Variants in SCML2 observed in about 807,000 individuals in gnomAD.
SCML2 encodes sex comb on midleg-like protein 2.
Under a neutral mutation model 48.4 loss-of-function variants are expected in SCML2, and 6 were observed. The observed-to-expected ratio is 0.12, with a 90% CI of 0.07 to 0.24. SCML2 has a LOEUF of 0.24. Among genes scored for constraint, SCML2 ranks in the 10% least tolerant of loss-of-function variants. The pLI is 1.00. For missense variants in SCML2, 377 were observed against 528.2 expected (o/e 0.71, Z 2.81); for synonymous variants, 181 against 189.5 (o/e 0.95, Z 0.37).
At chrX:18,255,113 GA>G (rs200019173) in intron 11 of SCML2, among the ~76,000 whole-genome samples, 1 of 108,464 alleles carries the variant, frequency 9.2e-6, no homozygotes, top group African/African-American at 3.3e-5. Flanking sequence ...CCTGAAGAAG[GA>G]AAAAAAAAGG....
At chrX:18,266,340 T>A (rs1223080287) in intron 7 of SCML2, among the ~76,000 whole-genome samples, 1 of 111,726 alleles carries the variant, frequency 9.0e-6, no homozygotes, top group African/African-American at 3.2e-5. Context: ...TGTCCCTATA[T>A]GTATGTCTAC....
chrX:18,265,903 C>A, intron 7 of SCML2, 101 bp from the exon 8 acceptor site: 1 of 558,625 alleles, frequency 1.8e-6, no homozygotes, highest in Non-Finnish European at 2.7e-6. Flanking sequence ...AAAACCATTT[C>A]CAAAGGTTAT....
intron 2 of SCML2, among the ~76,000 whole-genome samples, chrX:18,332,920 A>G (rs1205636046): frequency 1.8e-5 from 2 of 110,664 alleles, no homozygotes; most frequent in Non-Finnish European, 3.8e-5. Context: ...TTGGGGTTAC[A>G]GTAAGCTATG....
At chrX:18,253,950 C>T (rs781410858) in intron 11 of SCML2, among the ~76,000 whole-genome samples, 1 of 111,518 alleles carries the variant, frequency 9.0e-6, no homozygotes, top group East Asian at 2.8e-4. Context: ...CAAAAATAGG[C>T]AAAAGTAATA....
intron 2 of SCML2, among the ~76,000 whole-genome samples, chrX:18,332,061 A>G (rs1490601545): frequency 8.9e-6 from 1 of 111,929 alleles, no homozygotes; most frequent in Non-Finnish European, 1.9e-5. Context: ...GTGGATGGCT[A>G]TTGCCTAGAT....
chrX:18,316,993 T>C (rs1374660055), intron 6 of SCML2, among the ~76,000 whole-genome samples: 1 of 112,211 alleles, frequency 8.9e-6, no homozygotes, highest in Non-Finnish European at 1.9e-5. Context: ...GACAAAAAGG[T>C]TGGGGACTGC....
chrX:18,354,598 T>C lies in SCML2; in HGVS notation c.-31A>G. On this transcript the variant is annotated 5_prime_UTR_variant, in exon 1 of 15. Transcript: ENST00000251900. ...GCCCGGAATCACCACGTACCTCCAG[T>C]CTCGTCGGTGAAAACAACGAAATTC... The C allele has an allele frequency of 3.5e-6, 1 of 284,770 alleles. No homozygotes were observed. The highest frequency in any genetic ancestry group is 6.2e-6 in the Non-Finnish European group (1 of 161,943). 23.5% of individuals were successfully genotyped at this position (284,770 alleles called of 1,213,427 possible). A position where few individuals can be genotyped will look rare whatever the true frequency, so the allele number is the denominator to read the frequency against.
intron 7 of SCML2, among the ~76,000 whole-genome samples, chrX:18,302,758 A>G (rs1455897321): frequency 8.9e-6 from 1 of 111,767 alleles, no homozygotes; most frequent in Non-Finnish European, 1.9e-5. Context: ...AGGGAACATG[A>G]TGACTCTCAA....
At position 18,246,569 on chromosome X, in the gene SCML2, G is replaced by T. The variant is rs1250796117; in HGVS notation, c.1822+8C>A. 1 of 1,186,227 alleles carries T rather than the reference G, an allele frequency of 8.4e-7. No homozygotes were observed. Among genetic ancestry groups the T allele is most frequent in the African/African-American group, 1.8e-5 (1 of 56,883 alleles). On this transcript the variant is annotated splice_region_variant and intron_variant, in intron 13 of 14. Transcript: ENST00000251900. ...AAACACATTGAGAGTCACTATTTTT[G>T]AACATACCTTCACTTTTCCTCTGCA... is the stretch of plus-strand genomic sequence containing the variant.
rs775397846 is a variant in SCML2, at chrX:18,311,999, C to A, written c.487-6784G>T. ...TAGAGACAGGGTTTCACCCTGTTGG[C>A]CAGGCTGGTCTTGAACTCCTGACCT... On this transcript the variant is annotated intron_variant, in intron 6 of 14. Transcript: ENST00000251900. Among the ~76,000 whole-genome samples the A allele has an allele frequency of 1.1e-4, 12 of 111,767 alleles. No individual in the cohort carries two copies. In the South Asian group the frequency reaches 4.5e-3, roughly 42 times the overall value.
intron 7 of SCML2, among the ~76,000 whole-genome samples, chrX:18,278,690 C>T (rs1927727757): frequency 6.2e-5 from 7 of 112,578 alleles, no homozygotes; most frequent in Admixed American, 5.6e-4. Flanking sequence ...AGCAGGTGCA[C>T]GGCACAGCCC....
chrX:18,267,343 C>T (rs1363063685), intron 7 of SCML2, among the ~76,000 whole-genome samples: 1 of 111,367 alleles, frequency 9.0e-6, no homozygotes, highest in Non-Finnish European at 1.9e-5. Flanking sequence ...ACTCTCTACT[C>T]AACCTGCACC....
At chrX:18,281,615 G>A (rs909645173) in intron 7 of SCML2, among the ~76,000 whole-genome samples, 3 of 108,097 alleles carry the variant, frequency 2.8e-5, no homozygotes, top group Non-Finnish European at 3.8e-5. Flanking sequence ...GGGAGGCTGA[G>A]GCATAAGAAT....
intron 6 of SCML2, among the ~76,000 whole-genome samples, chrX:18,316,154 C>T (rs1240590762): frequency 8.0e-5 from 9 of 112,230 alleles, no homozygotes; most frequent in Non-Finnish European, 1.7e-4. Context: ...TTTGGGAGGC[C>T]AAGGCAGGCA....
rs187884797 is a variant in SCML2 at position 18,290,433 on chromosome X, T to C, written c.730+14539A>G. ...ATACCCTTGGGATCCTGCAACCTTA[T>C]ACTCGGCATCTGGAAGTTTGCTGCT... On this transcript the variant is annotated intron_variant, in intron 7 of 14. Transcript: ENST00000251900. Among the ~76,000 whole-genome samples the C allele has an allele frequency of 2.4e-3, 263 of 111,637 alleles. 2 individuals are homozygous for C. Among genetic ancestry groups the C allele is most frequent in the African/African-American group, 8.0e-3 (245 of 30,778 alleles).
intron 9 of SCML2, 63 bp downstream of exon 9, chrX:18,260,108 C>T: frequency 2.5e-6 from 2 of 799,771 alleles, no homozygotes; most frequent in Non-Finnish European, 3.4e-6. Context: ...ACTTCGAAGA[C>T]ACTGAAAATA....
chrX:18,338,036 A>G (rs1328586880), intron 1 of SCML2, among the ~76,000 whole-genome samples: 1 of 112,664 alleles, frequency 8.9e-6, no homozygotes, highest in African/African-American at 3.2e-5. Context: ...AAAGCTCAAG[A>G]TAATTTTTTT....
intron 6 of SCML2, among the ~76,000 whole-genome samples, chrX:18,314,317 A>C (rs1314256347): frequency 9.0e-6 from 1 of 111,119 alleles, no homozygotes; most frequent in African/African-American, 3.3e-5. Context: ...AGCTGCTCCT[A>C]TCCCTTTACC....
chrX:18,275,771 G>A (rs947852377), intron 7 of SCML2, among the ~76,000 whole-genome samples: 1 of 112,316 alleles, frequency 8.9e-6, no homozygotes, highest in Non-Finnish European at 1.9e-5. Context: ...TAGCTTGATC[G>A]TAACATTTTA....
Sources: allele counts gnomAD v4.1 joint callset (sites outside exome capture counted in the v4.1 genomes callset), GRCh38; gene constraint gnomAD v4.1.1; transcripts MANE v1.5; gene names NCBI Gene and HGNC (gene_info 2026-07-23, HGNC 2026-07-21).